CTNNA3: variants seen among roughly 807,000 people sequenced by gnomAD.
CTNNA3 encodes catenin alpha 3.
A neutral mutation model predicts 95.7 loss-of-function variants in CTNNA3; 76 were observed. The ratio of observed to expected loss-of-function variants is 0.79; its 90% CI spans 0.66 to 0.96. CTNNA3 has a LOEUF of 0.96. CTNNA3 is among the 40% of genes least tolerant of loss of function. The pLI is 0.00. For missense variants in CTNNA3, 1,191 were observed against 1,089.8 expected (o/e 1.09, Z -1.31); for synonymous variants, 431 against 374.4 (o/e 1.15, Z -1.74).
chr10:66,331,715 T>C (rs10762061), intron 12 of CTNNA3, among the ~76,000 whole-genome samples: 63,130 of 151,684 alleles, frequency 0.42, 14,356 homozygotes, highest in Non-Finnish European at 0.51. Context: ...CCTTGTAGTA[T>C]AGTTTGAAGT....
chr10:66,560,241 A>T (rs1843666), intron 10 of CTNNA3, among the ~76,000 whole-genome samples: 1 of 151,772 alleles, frequency 6.6e-6, no homozygotes, highest in Admixed American at 6.6e-5. Flanking sequence ...TAGTCAGATT[A>T]TTCAGGTTTT....
At chr10:67,573,360 A>C (rs1293656566) in intron 3 of CTNNA3, among the ~76,000 whole-genome samples, 2 of 152,176 alleles carry the variant, frequency 1.3e-5, no homozygotes, top group Non-Finnish European at 1.5e-5. Flanking sequence ...AAGCAAGTGC[A>C]AAACTTGCTT....
intron 5 of CTNNA3, among the ~76,000 whole-genome samples, chr10:67,426,030 T>G (rs1845911772): frequency 6.6e-6 from 1 of 152,038 alleles, no homozygotes; most frequent in African/African-American, 2.4e-5. Context: ...AGGAAGAGAC[T>G]TTCCTTAAAG....
intron 11 of CTNNA3, among the ~76,000 whole-genome samples, chr10:66,496,525 T>C (rs886080572): frequency 6.6e-6 from 1 of 152,196 alleles, no homozygotes; most frequent in South Asian, 2.1e-4. Context: ...TTACGCAATT[T>C]CAAAGTTGTC....
rs760553747 is a variant in CTNNA3, at chr10:65,914,997, T to C, written c.*5333A>G. On this transcript the variant is annotated 3_prime_UTR_variant, in exon 18 of 18. Coordinates refer to ENST00000433211, the MANE Select transcript of CTNNA3 (RefSeq NM_013266.4). ...GAATGATATATATCCTATAGGGTTA[T>C]TTGGAGGATTGAATAAGATAATAGT... 4 of 152,128 alleles carry C rather than the reference T, an allele frequency of 2.6e-5. No individual in the cohort carries two copies. The highest frequency in any genetic ancestry group is 5.9e-5 in the Non-Finnish European group (4 of 68,014). The allele number at this position is 152,128 out of a possible 1,614,324, so 9.4% of individuals were successfully genotyped here. A position where few individuals can be genotyped will look rare whatever the true frequency, so the allele number is the denominator to read the frequency against.
rs184992188 is a variant in CTNNA3, at chr10:66,280,501, T to A, written c.1853A>T (p.His618Leu). ...DISKKIYDTIHDIRCSVMMIR... is the reference protein window; with the variant it reads ...DISKKIYDTILDIRCSVMMIR... ...CATCATGACTGAACATCTGATATCA[T>A]GAATTGTATCATAGATCTTCTTTGA... The change falls in exon 13 of 18, where the codon CAT becomes CTT. Residue 618 changes from histidine to leucine, a missense_variant. By Grantham distance (99) the His-to-Leu change is moderately conservative. Transcript: ENST00000433211. 1.9e-6 allele frequency: 3 copies of A among 1,608,136 alleles called. No individual in the cohort carries two copies. Among genetic ancestry groups the A allele is most frequent in the Non-Finnish European group, 2.5e-6 (3 of 1,177,764 alleles).
Position 67,053,065 on chromosome 10 carries a change from C to T in CTNNA3, c.1047+127252G>A, listed in dbSNP as rs187390884. On this transcript the variant is annotated intron_variant, in intron 7 of 17. Transcript: ENST00000433211. ...TCTATAACACATACAAAAGCTAGAG[C>T]TATACCATCCCCTAAAACATGAAGA... Among the ~76,000 whole-genome samples, 170 of 152,278 alleles carry T rather than the reference C, an allele frequency of 1.1e-3. 1 individual carries two copies. In the East Asian group the frequency reaches 0.023, roughly 20 times the overall value.
intron 5 of CTNNA3, among the ~76,000 whole-genome samples, chr10:67,396,232 G>A (rs1188747830): frequency 6.6e-6 from 1 of 151,972 alleles, no homozygotes; most frequent in East Asian, 1.9e-4. Flanking sequence ...AACTCAATAT[G>A]AATCTAGAAA....
At position 66,876,710 on chromosome 10, in the gene CTNNA3, AAG is replaced by A. The variant is rs569640782; in HGVS notation, c.1048-101188_1048-101187del. 9.7e-4 allele frequency among the ~76,000 whole-genome samples: 148 copies of A among 152,150 alleles called. 1 individual carries two copies. Among genetic ancestry groups the A allele is most frequent in the African/African-American group, 3.5e-3 (144 of 41,520 alleles). On this transcript the variant is annotated intron_variant, in intron 7 of 17. Transcript: ENST00000433211. ...ATGTTTAACCTTAGCAGGATCAAGA[AAG>A]AGTATGGTTGCTGCCAGGTGTAAAG...
chr10:66,604,654 C>T (rs1844052935), intron 10 of CTNNA3, among the ~76,000 whole-genome samples: 2 of 152,082 alleles, frequency 1.3e-5, no homozygotes, highest in Admixed American at 1.3e-4. Flanking sequence ...TACTACTCCC[C>T]CAGAGTTACA....
intron 17 of CTNNA3, among the ~76,000 whole-genome samples, chr10:65,936,335 A>G (rs1368715798): frequency 6.6e-6 from 1 of 152,206 alleles, no homozygotes; most frequent in East Asian, 1.9e-4. Flanking sequence ...TATATAAACA[A>G]CCATGAAACC....
intron 7 of CTNNA3, among the ~76,000 whole-genome samples, chr10:67,161,340 C>T (rs376278936): frequency 2.2e-4 from 33 of 151,802 alleles, no homozygotes; most frequent in African/African-American, 7.0e-4. Flanking sequence ...AAAATTAAAA[C>T]AGTCTTACGT....
chr10:66,007,305 T>A (rs899063374), intron 15 of CTNNA3, among the ~76,000 whole-genome samples: 3 of 152,082 alleles, frequency 2.0e-5, no homozygotes, highest in Non-Finnish European at 4.4e-5. Context: ...TTATTTAAAA[T>A]TTTTTTTCTC....
At chr10:67,356,939 T>C (rs986318050) in intron 5 of CTNNA3, among the ~76,000 whole-genome samples, 2 of 152,236 alleles carry the variant, frequency 1.3e-5, no homozygotes, top group African/African-American at 2.4e-5. Context: ...ATAATGATAA[T>C]CTTCAATGGG....
chr10:67,594,906 C>T (rs943184316), intron 3 of CTNNA3, among the ~76,000 whole-genome samples: 11 of 152,036 alleles, frequency 7.2e-5, no homozygotes, highest in Non-Finnish European at 1.6e-4. Context: ...AATGAGTCCC[C>T]ATAATCTATT....
At chr10:66,854,798 A>G (rs1843628004) in intron 7 of CTNNA3, among the ~76,000 whole-genome samples, 1 of 151,648 alleles carries the variant, frequency 6.6e-6, no homozygotes, top group Non-Finnish European at 1.5e-5. Flanking sequence ...GTTATAGTTA[A>G]ATCTAGAGAC....
intron 15 of CTNNA3, among the ~76,000 whole-genome samples, chr10:66,001,605 T>C (rs1385278214): frequency 6.6e-6 from 1 of 152,166 alleles, no homozygotes; most frequent in East Asian, 1.9e-4. Flanking sequence ...ATTTGTCACA[T>C]GGTAAGGAAT....
intron 11 of CTNNA3, among the ~76,000 whole-genome samples, chr10:66,412,726 TG>T (rs2093117074): frequency 6.6e-6 from 1 of 152,116 alleles, no homozygotes; most frequent in Admixed American, 6.6e-5. Flanking sequence ...CCCAAAGTGC[TG>T]GGATTACAGG....
chr10:67,113,326 C>G (rs1249749388), intron 7 of CTNNA3, among the ~76,000 whole-genome samples: 1 of 152,094 alleles, frequency 6.6e-6, no homozygotes, highest in Non-Finnish European at 1.5e-5. Context: ...GTACCATTAT[C>G]TCATCCCTGA....
Sources: gnomAD v4.1 joint callset for allele counts (sites outside exome capture counted in the v4.1 genomes callset) on GRCh38, gnomAD v4.1.1 for gene constraint, MANE v1.5 for transcripts, NCBI Gene and HGNC (gene_info 2026-07-23, HGNC 2026-07-21) for gene names.